Variants in TAAR6 observed in about 807,000 individuals in gnomAD.
The protein encoded by TAAR6 is trace amine-associated receptor 6.
Under a neutral mutation model 18.4 loss-of-function variants are expected in TAAR6, and 15 were observed. That is an observed-to-expected ratio of 0.82 (90% CI 0.55 to 1.26). The LOEUF (loss-of-function observed/expected upper bound fraction) is 1.26. Ranked by LOEUF, TAAR6 falls within the 50% of genes most tolerant of loss-of-function variation. The pLI, the probability that TAAR6 is intolerant of heterozygous loss-of-function variation, is 0.00. For synonymous variants in TAAR6, 192 were observed against 162.4 expected, an observed-to-expected ratio of 1.18 and a Z score of -1.39; for missense variants, 501 against 415.9, an observed-to-expected ratio of 1.20 and a Z score of -1.78.
In TAAR6 at chr6:132,570,488, C is replaced by A. The variant is rs1296387113; in HGVS notation, c.167C>A (p.Ser56Ter). The change falls in exon 1 of 1, where the codon TCA (serine) becomes TAA (stop). Residue 56 changes from serine (S) to a stop codon, truncating the protein, a stop_gained. Transcript: ENST00000275198. LOFTEE classifies it low-confidence loss of function (END_TRUNC). ...TTTGGAAACCTCCTGGTGATGATTT[C>A]AATCCTCCATTTCAAGCAGCTGCAC... ...AVFGNLLVMI[S>*]ILHFKQLHSP... 2 of 1,613,878 alleles carry A rather than the reference C, an allele frequency of 1.2e-6. No homozygotes were observed. Among genetic ancestry groups the A allele is most frequent in the Non-Finnish European group, 1.7e-6 (2 of 1,179,966 alleles).
At position 132,570,678 on chromosome 6, in the gene TAAR6, T is replaced by C. The variant is rs1371552524; in HGVS notation, c.357T>C (p.Ser119=). The change falls in exon 1 of 1, where the codon TCT becomes TCC. Residue 119 remains serine, a synonymous_variant. Transcript: ENST00000275198. ...GTGATGTGGCATTTTGTTACTCTTC[T>C]CTCTTTCACTTGTGCTTCATCTCCA... ...TCCDVAFCYS[S]LFHLCFISID... is the part of the protein sequence containing the mutation. The C allele has an allele frequency of 1.2e-6, 2 of 1,614,140 alleles. No homozygotes were observed. Among genetic ancestry groups the C allele is most frequent in the Non-Finnish European group, 1.7e-6 (2 of 1,180,010 alleles).
Position 132,571,155 on chromosome 6 carries a change from A to G in TAAR6, c.834A>G (p.Ser278=), listed in dbSNP as rs763277202. The G allele has an allele frequency of 1.2e-5, 20 of 1,614,090 alleles. No homozygotes were observed. Among genetic ancestry groups the G allele is most frequent in the Non-Finnish European group, 1.7e-5 (20 of 1,179,982 alleles). ...CATGGTTACCATATAGCATTGATTC[A>G]TTAATTGATGCCTTTATGGGCTTTA... ...MISWLPYSID[S]LIDAFMGFIT... Residue 278 remains serine, a synonymous_variant, in exon 1 of 1, where the codon TCA becomes TCG. Coordinates refer to ENST00000275198, the MANE Select transcript of TAAR6 (RefSeq NM_175067.1).
At position 132,570,583 on chromosome 6, in the gene TAAR6, T is replaced by G. The variant is rs765345284; in HGVS notation, c.262T>G (p.Phe88Val). The G allele has an allele frequency of 1.2e-6, 2 of 1,614,160 alleles. No individual in the cohort carries two copies. Among genetic ancestry groups the G allele is most frequent in the Non-Finnish European group, 1.7e-6 (2 of 1,179,996 alleles). Residue 88 changes from phenylalanine (F) to valine (V), a missense_variant, in exon 1 of 1, where the codon TTC becomes GTC. Physicochemically the swap from Phe to Val is conservative, Grantham distance 50 (BLOSUM62 -1). Coordinates refer to ENST00000275198, the MANE Select transcript of TAAR6 (RefSeq NM_175067.1). The stretch of plus-strand genomic sequence containing the variant: ...CTTGGTGGGTGTGACTGTGATGCCC[T>G]TCAGCATGGTCAGGACGGTGGAGAG... ...DFLVGVTVMP[F>V]SMVRTVESCW...
In TAAR6 at chr6:132,571,189, G is replaced by C; in HGVS notation, c.868G>C (p.Ala290Pro). 6.2e-7 allele frequency: 1 copy of C among 1,613,940 alleles called. No homozygotes were observed. Among genetic ancestry groups the C allele is most frequent in the Non-Finnish European group, 8.5e-7 (1 of 1,179,938 alleles). ...TGCCTTTATGGGCTTTATAACCCCTGCCTGTATTTATGAGATTTGCTGTTG... is the reference window on the plus strand; with the variant it reads ...TGCCTTTATGGGCTTTATAACCCCTCCCTGTATTTATGAGATTTGCTGTTG... ...IDAFMGFITP[A>P]CIYEICCWCA... The change falls in exon 1 of 1, where the codon GCC (alanine) becomes CCC (proline). Residue 290 changes from alanine to proline, a missense_variant. Physicochemically the swap from Ala to Pro is conservative, Grantham distance 27. Coordinates refer to ENST00000275198, the MANE Select transcript of TAAR6 (RefSeq NM_175067.1).
Position 132,570,372 on chromosome 6 carries a change from C to A in TAAR6, c.51C>A (p.Asn17Lys). Residue 17 changes from asparagine (N) to lysine (K), a missense_variant, in exon 1 of 1, where the codon AAC (asparagine) becomes AAA (lysine). Physicochemically the swap from Asn to Lys is moderately conservative, Grantham distance 94. Coordinates refer to ENST00000275198, the MANE Select transcript of TAAR6 (RefSeq NM_175067.1). ...TGGCTGTGCAGCTGTGCTACGCGAA[C>A]GTGAATGGGTCCTGTGTGAAAATCC... ...LLVAVQLCYA[N>K]VNGSCVKIPF... 1 of 1,613,980 alleles carries A rather than the reference C, an allele frequency of 6.2e-7. No individual in the cohort carries two copies. The highest frequency in any genetic ancestry group is 8.5e-7 in the Non-Finnish European group (1 of 1,179,912).
chr6:132,571,285 A>G lies in TAAR6; in HGVS notation c.964A>G (p.Ile322Val). Residue 322 changes from isoleucine to valine, a missense_variant, in exon 1 of 1, where the codon ATA becomes GTA. By Grantham distance (29) the Ile-to-Val change is conservative. Coordinates refer to ENST00000275198, the MANE Select transcript of TAAR6 (RefSeq NM_175067.1). ...ALFYPWFRKAIKVIVTGQVLK... is the reference protein window; with the variant it reads ...ALFYPWFRKAVKVIVTGQVLK... ...ATTTTACCCATGGTTTAGGAAAGCA[A>G]TAAAAGTTATTGTAACTGGTCAGGT... 1.2e-6 allele frequency: 2 copies of G among 1,614,078 alleles called. No individual in the cohort carries two copies. Among genetic ancestry groups the G allele is most frequent in the Non-Finnish European group, 1.7e-6 (2 of 1,179,960 alleles).
chr6:132,570,581 C>T lies in TAAR6; in HGVS notation c.260C>T (p.Pro87Leu). Residue 87 changes from proline to leucine, a missense_variant, in exon 1 of 1, where the codon CCC (proline) becomes CTC (leucine). Transcript: ENST00000275198. ...ADFLVGVTVM[P>L]FSMVRTVESC... ...TTCTTGGTGGGTGTGACTGTGATGC[C>T]CTTCAGCATGGTCAGGACGGTGGAG... 2 of 1,614,024 alleles carry T rather than the reference C, an allele frequency of 1.2e-6. No homozygotes were observed. The highest frequency in any genetic ancestry group is 8.5e-7 in the Non-Finnish European group (1 of 1,179,972).
In TAAR6 at chr6:132,571,179, T is replaced by C. The variant is rs569441497; in HGVS notation, c.858T>C (p.Phe286=). 4.6e-5 allele frequency: 74 copies of C among 1,614,128 alleles called. No individual in the cohort carries two copies. The South Asian group carries it at 6.9e-4, about 15-fold the overall frequency. Reference sequence around the variant, plus strand: ...CATTAATTGATGCCTTTATGGGCTTTATAACCCCTGCCTGTATTTATGAGA... The same window carrying C: ...CATTAATTGATGCCTTTATGGGCTTCATAACCCCTGCCTGTATTTATGAGA... ...IDSLIDAFMG[F]ITPACIYEIC... is the part of the protein sequence containing the mutation. Residue 286 remains phenylalanine, a synonymous_variant, in exon 1 of 1, where the codon TTT becomes TTC. Coordinates refer to ENST00000275198, the MANE Select transcript of TAAR6 (RefSeq NM_175067.1).
chr6:132,570,979 A>G lies in TAAR6; in HGVS notation c.658A>G (p.Ile220Val). ...TFIMIILYGNIFLVARRQAKK... is the reference protein window; with the variant it reads ...TFIMIILYGNVFLVARRQAKK... ...TATTATGATAATTCTGTATGGTAAC[A>G]TATTTCTTGTGGCTAGACGACAGGC... Residue 220 changes from isoleucine (I) to valine (V), a missense_variant, in exon 1 of 1, where the codon ATA becomes GTA. Coordinates refer to ENST00000275198, the MANE Select transcript of TAAR6 (RefSeq NM_175067.1). 6.2e-7 allele frequency: 1 copy of G among 1,614,114 alleles called. No individual in the cohort carries two copies. The highest frequency in any genetic ancestry group is 8.5e-7 in the Non-Finnish European group (1 of 1,180,004).
chr6:132,571,254 T>G lies in TAAR6; in HGVS notation c.933T>G (p.Tyr311Ter), dbSNP rs1582718480. 1 of 1,614,046 alleles carries G rather than the reference T, an allele frequency of 6.2e-7. No homozygotes were observed. The highest frequency in any genetic ancestry group is 1.3e-5 in the African/African-American group (1 of 74,934). The change falls in exon 1 of 1, where the codon TAT (tyrosine) becomes TAG (stop). Residue 311 changes from tyrosine (Y) to a stop codon, truncating the protein, a stop_gained. Transcript: ENST00000275198. LOFTEE classifies it high-confidence loss of function. ...YYNSAMNPLI[Y>*]ALFYPWFRKA... is the part of the protein sequence containing the mutation. ...ACTCAGCCATGAATCCTTTGATTTA[T>G]GCTTTATTTTACCCATGGTTTAGGA...
In TAAR6 at chr6:132,570,918, G is replaced by A. The variant is rs754562434; in HGVS notation, c.597G>A (p.Val199=). The part of the protein sequence containing the change: ...GCQTVVNQNW[V]LTDFLSFFIP... ...AGACCGTTGTAAATCAAAACTGGGT[G>A]TTGACAGATTTTCTATCCTTCTTTA... Residue 199 remains valine (V), a synonymous_variant, in exon 1 of 1, where the codon GTG becomes GTA. Transcript: ENST00000275198. 1.9e-6 allele frequency: 3 copies of A among 1,613,992 alleles called. No homozygotes were observed. Among genetic ancestry groups the A allele is most frequent in the East Asian group, 2.2e-5 (1 of 44,892 alleles).
Position 132,571,196 on chromosome 6 carries a change from T to C in TAAR6, c.875T>C (p.Ile292Thr), listed in dbSNP as rs1224858742. 5 of 1,613,970 alleles carry C rather than the reference T, an allele frequency of 3.1e-6. No individual in the cohort carries two copies. In the African/African-American group the frequency reaches 4.0e-5, roughly 13 times the overall value. ...AFMGFITPACIYEICCWCAYY... is the reference protein window; with the variant it reads ...AFMGFITPACTYEICCWCAYY... ...ATGGGCTTTATAACCCCTGCCTGTA[T>C]TTATGAGATTTGCTGTTGGTGTGCT... Residue 292 changes from isoleucine to threonine, a missense_variant, in exon 1 of 1, where the codon ATT becomes ACT. Transcript: ENST00000275198.
In TAAR6 at chr6:132,570,379, G is replaced by A. The variant is rs770824495; in HGVS notation, c.58G>A (p.Gly20Arg). ...AVQLCYANVN[G>R]SCVKIPFSPG... Reference sequence around the variant, plus strand: ...GCAGCTGTGCTACGCGAACGTGAATGGGTCCTGTGTGAAAATCCCCTTCTC... The same window carrying A: ...GCAGCTGTGCTACGCGAACGTGAATAGGTCCTGTGTGAAAATCCCCTTCTC... The change falls in exon 1 of 1, where the codon GGG becomes AGG. Residue 20 changes from glycine (G) to arginine (R), a missense_variant. Transcript: ENST00000275198. 3.7e-6 allele frequency: 6 copies of A among 1,613,922 alleles called. No homozygotes were observed. The African/African-American group carries it at 8.0e-5, about 22-fold the overall frequency.
chr6:132,570,866 A>G lies in TAAR6; in HGVS notation c.545A>G (p.Asp182Gly). ...GACGATGGGCTGGAGGAATTATCTG[A>G]TGCCCTAAACTGTATAGGAGGTTGT... Reference protein sequence around the residue: ...VYDDGLEELSDALNCIGGCQT... With the variant: ...VYDDGLEELSGALNCIGGCQT... Residue 182 changes from aspartate (D) to glycine (G), a missense_variant, in exon 1 of 1, where the codon GAT becomes GGT. Physicochemically the swap from Asp to Gly is moderately conservative, Grantham distance 94. Coordinates refer to ENST00000275198, the MANE Select transcript of TAAR6 (RefSeq NM_175067.1). 6.2e-7 allele frequency: 1 copy of G among 1,614,146 alleles called. No homozygotes were observed. The highest frequency in any genetic ancestry group is 8.5e-7 in the Non-Finnish European group (1 of 1,179,998).
chr6:132,570,942 T>C lies in TAAR6; in HGVS notation c.621T>C (p.Phe207=), dbSNP rs1482403627. 1 of 1,614,142 alleles carries C rather than the reference T, an allele frequency of 6.2e-7. No homozygotes were observed. Among genetic ancestry groups the C allele is most frequent in the Non-Finnish European group, 8.5e-7 (1 of 1,180,012 alleles). ...TGTTGACAGATTTTCTATCCTTCTT[T>C]ATACCTACCTTTATTATGATAATTC... The part of the protein sequence containing the change: ...NWVLTDFLSF[F]IPTFIMIILY... Residue 207 remains phenylalanine, a synonymous_variant, in exon 1 of 1, where the codon TTT becomes TTC. Transcript: ENST00000275198.
At position 132,571,208 on chromosome 6, in the gene TAAR6, G is replaced by T. The variant is rs1776641324; in HGVS notation, c.887G>T (p.Cys296Phe). 3 of 1,613,986 alleles carry T rather than the reference G, an allele frequency of 1.9e-6. No homozygotes were observed. Among genetic ancestry groups the T allele is most frequent in the Middle Eastern group, 1.7e-4 (1 of 6,058 alleles). Residue 296 changes from cysteine to phenylalanine, a missense_variant, in exon 1 of 1, where the codon TGC (cysteine) becomes TTC (phenylalanine). Cys to Phe is a radical substitution (Grantham distance 205, BLOSUM62 -2). Transcript: ENST00000275198. ...FITPACIYEI[C>F]CWCAYYNSAM... ...ACCCCTGCCTGTATTTATGAGATTT[G>T]CTGTTGGTGTGCTTATTATAACTCA...
Position 132,570,985 on chromosome 6 carries a change from C to G in TAAR6, c.664C>G (p.Leu222Val), listed in dbSNP as rs762798385. The stretch of plus-strand genomic sequence containing the variant: ...GATAATTCTGTATGGTAACATATTT[C>G]TTGTGGCTAGACGACAGGCGAAAAA... ...IMIILYGNIF[L>V]VARRQAKKIE... The change falls in exon 1 of 1, where the codon CTT becomes GTT. Residue 222 changes from leucine (L) to valine (V), a missense_variant. By Grantham distance (32) the Leu-to-Val change is conservative (BLOSUM62 1). Transcript: ENST00000275198. The G allele has an allele frequency of 3.7e-6, 6 of 1,614,020 alleles. No individual in the cohort carries two copies. The highest frequency in any genetic ancestry group is 8.5e-7 in the Non-Finnish European group (1 of 1,179,982).
At position 132,570,878 on chromosome 6, in the gene TAAR6, G is replaced by A. The variant is rs139361025; in HGVS notation, c.557G>A (p.Cys186Tyr). The A allele has an allele frequency of 1.6e-3, 2,514 of 1,614,174 alleles. 2 individuals are homozygous for A. The highest frequency in any genetic ancestry group is 2.0e-3 in the Non-Finnish European group (2,359 of 1,180,010). The change falls in exon 1 of 1, where the codon TGT becomes TAT. Residue 186 changes from cysteine to tyrosine, a missense_variant. Transcript: ENST00000275198. The part of the protein sequence containing the change: ...GLEELSDALN[C>Y]IGGCQTVVNQ... ...GAGGAATTATCTGATGCCCTAAACT[G>A]TATAGGAGGTTGTCAGACCGTTGTA...
chr6:132,570,537 C>T lies in TAAR6; in HGVS notation c.216C>T (p.Ala72=), dbSNP rs1320603168. 1 of 1,613,964 alleles carries T rather than the reference C, an allele frequency of 6.2e-7. No individual in the cohort carries two copies. Among genetic ancestry groups the T allele is most frequent in the East Asian group, 2.2e-5 (1 of 44,872 alleles). ...ACTCTCCGACCAATTTTCTCGTTGC[C>T]TCTCTGGCCTGCGCTGATTTCTTGG... ...QLHSPTNFLV[A]SLACADFLVG... is the part of the protein sequence containing the mutation. Residue 72 remains alanine (A), a synonymous_variant, in exon 1 of 1, where the codon GCC becomes GCT. Transcript: ENST00000275198.
Sources: allele counts gnomAD v4.1 joint callset, GRCh38; gene constraint gnomAD v4.1.1; transcripts MANE v1.5; gene names NCBI Gene and HGNC (gene_info 2026-07-23, HGNC 2026-07-21).